CPNE9: variants seen among roughly 807,000 people sequenced by gnomAD.
CPNE9 encodes copine-9.
A neutral mutation model predicts 83.0 loss-of-function variants in CPNE9; 59 were observed. The observed-to-expected ratio is 0.71, with a 90% CI of 0.58 to 0.88. The LOEUF is 0.88. Among genes scored for constraint, CPNE9 ranks in the 40% least tolerant of loss-of-function variants. The pLI is 0.00. For missense variants in CPNE9, 619 were observed against 720.8 expected (o/e 0.86, Z 1.62); for synonymous variants, 256 against 273.4 (o/e 0.94, Z 0.63).
chr3:9,704,989 C>G lies in CPNE9; in HGVS notation c.255C>G (p.Phe85Leu), dbSNP rs747000139. Residue 85 changes from phenylalanine to leucine, a missense_variant, in exon 4 of 21, where the codon TTC (phenylalanine) becomes TTG (leucine). Coordinates refer to ENST00000383832, the MANE Select transcript of CPNE9 (RefSeq NM_153635.3). The surrounding 1 kb of genome is among the most constrained non-coding windows in gnomAD (Gnocchi z 7.1). ...TTGAGGAAAAGCAAAATCTGCGCTT[C>G]GATGTGTGAGGCCCCGCCTGGAATT... ...YFFEEKQNLRFDVYNVDSKTN... is the reference protein window; with the variant it reads ...YFFEEKQNLRLDVYNVDSKTN... The G allele has an allele frequency of 6.2e-7, 1 of 1,608,252 alleles. No individual in the cohort carries two copies. The highest frequency in any genetic ancestry group is 8.5e-7 in the Non-Finnish European group (1 of 1,177,240).
Position 9,712,980 on chromosome 3 carries a change from C to G in CPNE9, c.551C>G (p.Thr184Ser). The change falls in exon 10 of 21, where the codon ACC becomes AGC. Residue 184 changes from threonine (T) to serine (S), a missense_variant. Coordinates refer to ENST00000383832, the MANE Select transcript of CPNE9 (RefSeq NM_153635.3). Reference protein sequence around the residue: ...FYRSNEDGTFTICHKTEVVKN... With the variant: ...FYRSNEDGTFSICHKTEVVKN... Reference sequence around the variant, plus strand: ...TTCTTCCCACTCCCCTCCAGGTTCACCATCTGCCACAAGACAGAGGTTGTG... The same window carrying G: ...TTCTTCCCACTCCCCTCCAGGTTCAGCATCTGCCACAAGACAGAGGTTGTG... 1 of 1,613,958 alleles carries G rather than the reference C, an allele frequency of 6.2e-7. No homozygotes were observed. Among genetic ancestry groups the G allele is most frequent in the Non-Finnish European group, 8.5e-7 (1 of 1,179,792 alleles).
In CPNE9 at chr3:9,712,620, A is replaced by G; in HGVS notation, c.441+16A>G. On this transcript the variant is annotated intron_variant, in intron 8 of 20. Transcript: ENST00000383832. Reference sequence around the variant, plus strand: ...CAATTGTCGGGTCAGTAAGGGCCACATGCTAGACCCAGGAGCTCCCTTCTC... The same window carrying G: ...CAATTGTCGGGTCAGTAAGGGCCACGTGCTAGACCCAGGAGCTCCCTTCTC... 1.2e-6 allele frequency: 2 copies of G among 1,613,082 alleles called. No individual in the cohort carries two copies. Among genetic ancestry groups the G allele is most frequent in the Non-Finnish European group, 1.7e-6 (2 of 1,179,038 alleles).
At chr3:9,728,959 C>T (rs1259261555) in intron 20 of CPNE9, among the ~76,000 whole-genome samples, 1 of 152,142 alleles carries the variant, frequency 6.6e-6, no homozygotes, top group Non-Finnish European at 1.5e-5. Context: ...ACCTCCTGGC[C>T]TGCTCTACTT....
rs374650389 is a variant in CPNE9, at chr3:9,715,323, C to A, written c.727C>A (p.Arg243=). The change falls in exon 12 of 21, where the codon CGG becomes AGG. Residue 243 remains arginine (R), a synonymous_variant. Coordinates refer to ENST00000383832, the MANE Select transcript of CPNE9 (RefSeq NM_153635.3). Reference sequence around the variant, plus strand: ...CATTGGTGAGTTCACCACCAGCTACCGGGAGCTGAGCAAGGCCCAGAACCA... The same window carrying A: ...CATTGGTGAGTTCACCACCAGCTACAGGGAGCTGAGCAAGGCCCAGAACCA... ...DFIGEFTTSY[R]ELSKAQNQFT... is the part of the protein sequence containing the mutation. The A allele has an allele frequency of 6.2e-7, 1 of 1,614,198 alleles. No individual in the cohort carries two copies. Among genetic ancestry groups the A allele is most frequent in the East Asian group, 2.2e-5 (1 of 44,892 alleles).
intron 10 of CPNE9, among the ~76,000 whole-genome samples, chr3:9,713,958 A>T (rs2076654174): frequency 6.6e-6 from 1 of 152,098 alleles, no homozygotes; most frequent in Admixed American, 6.5e-5. Context: ...CTGTAGTTCC[A>T]GCTACTCAGG....
intron 19 of CPNE9, 94 bp from the exon 20 acceptor site, chr3:9,727,019 C>T: frequency 1.6e-6 from 2 of 1,275,414 alleles, no homozygotes; most frequent in Admixed American, 1.7e-5. Context: ...ATTAGGCATT[C>T]TCCTGATGAC....
intron 13 of CPNE9, among the ~76,000 whole-genome samples, 153 bp downstream of exon 13, chr3:9,715,679 C>T (rs2076676399): frequency 1.3e-5 from 2 of 152,126 alleles, no homozygotes; most frequent in Admixed American, 6.6e-5. Context: ...TTAAGTTTTT[C>T]TTTGTTTTTT....
intron 17 of CPNE9, among the ~76,000 whole-genome samples, chr3:9,718,834 CT>C (rs750687755): frequency 0.1 from 11,953 of 117,602 alleles, 561 homozygotes; most frequent in African/African-American, 0.2. Flanking sequence ...GACCCCATCT[CT>C]TTTTTTTTTT....
In CPNE9 at chr3:9,705,973, C is replaced by G; in HGVS notation, c.301-14C>G. The G allele has an allele frequency of 6.2e-7, 1 of 1,612,748 alleles. No individual in the cohort carries two copies. ...CAAGAGCTTCTGGTCTTGCTGACTC[C>G]TTGTCCTGCATAGGATTTCCTGGGA... On this transcript the variant is annotated splice_polypyrimidine_tract_variant and intron_variant, in intron 6 of 20. Transcript: ENST00000383832.
intron 7 of CPNE9, among the ~76,000 whole-genome samples, chr3:9,710,586 C>G (rs1214219088): frequency 6.6e-6 from 1 of 152,228 alleles, no homozygotes; most frequent in Non-Finnish European, 1.5e-5. Context: ...TAAGGACCCT[C>G]TTGAAGTCTG....
intron 4 of CPNE9, 130 bp downstream of exon 4, chr3:9,705,124 C>G: frequency 1.4e-6 from 1 of 720,082 alleles, no homozygotes; most frequent in Non-Finnish European, 2.5e-6. Flanking sequence ...TTCTGAATGG[C>G]CCCCTCTAGC....
chr3:9,704,087 G>A lies in CPNE9; in HGVS notation c.68+23G>A, dbSNP rs2076533081. 6.3e-7 allele frequency: 1 copy of A among 1,598,092 alleles called. No individual in the cohort carries two copies. ...CCGGTGAGCGGGCCGCGCTGGGGAG[G>A]GCTTAGGCACTGGCACTGCCCCAGC... On this transcript the variant is annotated intron_variant, in intron 1 of 20. Coordinates refer to ENST00000383832, the MANE Select transcript of CPNE9 (RefSeq NM_153635.3). This position sits in a 1 kb window ranked among gnomAD's most constrained non-coding sequence, Gnocchi z 7.1.
chr3:9,721,080 T>TA (rs1264719777), intron 17 of CPNE9, among the ~76,000 whole-genome samples: 3 of 152,230 alleles, frequency 2.0e-5, no homozygotes, highest in Non-Finnish European at 4.4e-5. Context: ...TTATCATTAT[T>TA]ACTATCCAAA....
intron 17 of CPNE9, among the ~76,000 whole-genome samples, chr3:9,724,882 G>T (rs184356004): frequency 6.6e-6 from 1 of 151,956 alleles, no homozygotes; most frequent in Middle Eastern, 3.2e-3. Flanking sequence ...TCAGCCTCCC[G>T]AGTAGCTGGG....
rs1180036765 is a variant in CPNE9 at position 9,714,655 on chromosome 3, A to C, written c.651-259A>C. ...TCAAAGTGGTAAAAAAAAAAAAAAAAAAAAAAAAAAAAACCAACCAAACAA... is the reference window on the plus strand; with the variant it reads ...TCAAAGTGGTAAAAAAAAAAAAAAACAAAAAAAAAAAAACCAACCAAACAA... On this transcript the variant is annotated intron_variant, in intron 10 of 20. Transcript: ENST00000383832. 8.5e-3 allele frequency among the ~76,000 whole-genome samples: 1,273 copies of C among 149,052 alleles called. 18 individuals are homozygous for C. The highest frequency in any genetic ancestry group is 0.029 in the African/African-American group (1,195 of 40,640).
Position 9,704,129 on chromosome 3 carries a change from G to C in CPNE9, c.68+65G>C. The C allele has an allele frequency of 6.7e-7, 1 of 1,496,284 alleles. No individual in the cohort carries two copies. The highest frequency in any genetic ancestry group is 9.1e-7 in the Non-Finnish European group (1 of 1,096,920). 92.7% of individuals were successfully genotyped at this position (1,496,284 alleles called of 1,614,324 possible). ...TGCCCCAGCCCCAGCCAGCCGCGGG[G>C]CTCAGCCTGGGCAGGGGCTAGACCC... On this transcript the variant is annotated intron_variant, in intron 1 of 20. Coordinates refer to ENST00000383832, the MANE Select transcript of CPNE9 (RefSeq NM_153635.3). This position sits in a 1 kb window ranked among gnomAD's most constrained non-coding sequence, Gnocchi z 7.1.
In CPNE9 at chr3:9,712,797, C is replaced by A; in HGVS notation, c.514C>A (p.Leu172Ile). The A allele has an allele frequency of 6.2e-7, 1 of 1,614,148 alleles. No individual in the cohort carries two copies. The highest frequency in any genetic ancestry group is 8.5e-7 in the Non-Finnish European group (1 of 1,180,024). ...CTTCTTTGGGAAATCAGACCCCTTC[C>A]TTGTGTTCTACAGGAGCAATGAGGA... ...KDFFGKSDPF[L>I]VFYRSNEDGT... The change falls in exon 9 of 21, where the codon CTT becomes ATT. Residue 172 changes from leucine (L) to isoleucine (I), a missense_variant. This residue lies in a region of CPNE9 where 438 missense variants were observed against 562.9 expected (regional missense o/e 0.78). Transcript: ENST00000383832.
intron 17 of CPNE9, among the ~76,000 whole-genome samples, chr3:9,720,202 T>G (rs2076722733): frequency 6.6e-6 from 1 of 151,968 alleles, no homozygotes; most frequent in Admixed American, 6.6e-5. Context: ...ATTATTTGAT[T>G]GAACAAAAAA....
chr3:9,710,723 T>C (rs1254298131), intron 7 of CPNE9, among the ~76,000 whole-genome samples: 1 of 152,094 alleles, frequency 6.6e-6, no homozygotes, highest in Non-Finnish European at 1.5e-5. Context: ...GCCAAGTAAA[T>C]ATATCGAAAG....
Sources: allele counts gnomAD v4.1 joint callset (sites outside exome capture counted in the v4.1 genomes callset), GRCh38; gene constraint gnomAD v4.1.1; regional missense constraint gnomAD v4.1.1; non-coding constraint Gnocchi (gnomAD v3.1); transcripts MANE v1.5; gene names NCBI Gene and HGNC (gene_info 2026-07-23, HGNC 2026-07-21).